The following USP9X variants were observed in gnomAD, a reference collection of about 807,000 sequenced individuals.
USP9X encodes ubiquitin specific peptidase 9 X-linked.
A neutral mutation model predicts 190.3 loss-of-function variants in USP9X; 7 were observed. The observed-to-expected ratio is 0.04, with a 90% CI of 0.02 to 0.07. USP9X has a LOEUF of 0.07. Among genes scored for constraint, USP9X ranks in the 10% least tolerant of loss-of-function variants. USP9X has a pLI of 1.00. For synonymous variants in USP9X, 645 were observed against 659.5 expected (o/e 0.98, Z 0.34); for missense variants, 1,010 against 1,916.9 (o/e 0.53, Z 8.83).
At chrX:41,197,331 T>TA in intron 28 of USP9X, 33 bp from the exon 29 acceptor site, 1 of 486,766 alleles carries the variant, frequency 2.1e-6, no homozygotes, top group Non-Finnish European at 2.9e-6. Flanking sequence ...TTTGATTTCT[T>TA]CCCCCCCCCA....
Position 41,216,372 on chromosome X carries a change from G to A in USP9X, c.5805G>A (p.Lys1935=), listed in dbSNP as rs1194752711. ...YMGEVFDHMM[K]RMSYRRQKRW... ...GAGAAGTGTTTGATCACATGATGAA[G>A]CGTATGTCATACAGGCGCCAGAAAA... The change falls in exon 35 of 45, where the codon AAG becomes AAA. Residue 1935 remains lysine (K), a synonymous_variant. Coordinates refer to ENST00000378308, the MANE Select transcript of USP9X (RefSeq NM_001039591.3). 4.1e-6 allele frequency: 5 copies of A among 1,209,607 alleles called. No homozygotes were observed. The highest frequency in any genetic ancestry group is 3.0e-5 in the East Asian group (1 of 33,766).
At chrX:41,086,959 A>G (rs755539007) in intron 1 of USP9X, among the ~76,000 whole-genome samples, 4 of 112,817 alleles carry the variant, frequency 3.5e-5, no homozygotes, top group Non-Finnish European at 5.6e-5. Flanking sequence ...GCAGGTGTGT[A>G]GATGGCTTCT....
chrX:41,208,415 G>T (rs763584127), intron 32 of USP9X, among the ~76,000 whole-genome samples: 9 of 111,557 alleles, frequency 8.1e-5, no homozygotes, highest in African/African-American at 2.9e-4. Flanking sequence ...TCAGTTACTC[G>T]CTGTGCTAGT....
chrX:41,148,276 C>CT, intron 11 of USP9X, 93 bp from the exon 12 acceptor site: 2 of 935,189 alleles, frequency 2.1e-6, no homozygotes, highest in Non-Finnish European at 3.0e-6. Context: ...AGCTACGTTG[C>CT]TTTTGATGAA....
chrX:41,116,745 A>G (rs2062150687), intron 1 of USP9X, among the ~76,000 whole-genome samples: 1 of 108,493 alleles, frequency 9.2e-6, no homozygotes, highest in South Asian at 3.9e-4. Context: ...TATTTGTGAG[A>G]CTCCTTTTAT....
intron 1 of USP9X, among the ~76,000 whole-genome samples, chrX:41,109,314 A>G (rs2062092058): frequency 1.8e-5 from 2 of 111,930 alleles, no homozygotes; most frequent in Admixed American, 9.5e-5. Context: ...AAATTACTCA[A>G]ATTGCCTACA....
Position 41,184,961 on chromosome X carries a change from A to C in USP9X, c.3558+286A>C, listed in dbSNP as rs763259607. Among the ~76,000 whole-genome samples the C allele has an allele frequency of 3.6e-5, 4 of 112,079 alleles. No homozygotes were observed. The South Asian group carries it at 1.5e-3, about 41-fold the overall frequency. ...TCTCTTATTAACTTGTGCCTGGTAG[A>C]TATATAAAGACACAGATTGTAATAA... On this transcript the variant is annotated intron_variant, in intron 23 of 44. Coordinates refer to ENST00000378308, the MANE Select transcript of USP9X (RefSeq NM_001039591.3).
chrX:41,182,032 G>T (rs1245831139), intron 21 of USP9X, among the ~76,000 whole-genome samples: 1 of 111,723 alleles, frequency 9.0e-6, no homozygotes, highest in Non-Finnish European at 1.9e-5. Context: ...CTTTGATTCA[G>T]ATCTCTCAAA....
chrX:41,099,508 C>T (rs978752707), intron 1 of USP9X, among the ~76,000 whole-genome samples: 1 of 110,218 alleles, frequency 9.1e-6, no homozygotes, highest in Non-Finnish European at 1.9e-5. Context: ...TAATTTTAGC[C>T]CTCTTGGTGG....
At chrX:41,151,169 A>T (rs1238863220) in intron 13 of USP9X, 112 bp downstream of exon 13, 3 of 738,806 alleles carry the variant, frequency 4.1e-6, no homozygotes. Flanking sequence ...GAGTGAGAAG[A>T]GGCTATATAA....
chrX:41,157,659 G>A (rs2062591217), intron 14 of USP9X, among the ~76,000 whole-genome samples: 1 of 111,442 alleles, frequency 9.0e-6, no homozygotes, highest in African/African-American at 3.3e-5. Flanking sequence ...CAAACGGGTG[G>A]GGGAAGGGAG....
chrX:41,106,102 T>C (rs746601275), intron 1 of USP9X, among the ~76,000 whole-genome samples: 2 of 112,089 alleles, frequency 1.8e-5, no homozygotes, highest in East Asian at 5.6e-4. Context: ...CTGTTTACAG[T>C]GTTCTTCGGA....
chrX:41,198,183 A>G (rs928988397), intron 29 of USP9X, among the ~76,000 whole-genome samples: 1 of 112,308 alleles, frequency 8.9e-6, no homozygotes, highest in African/African-American at 3.2e-5. Context: ...TAACACAAGG[A>G]AACAAAGTTT....
intron 1 of USP9X, among the ~76,000 whole-genome samples, chrX:41,099,123 A>T (rs376459451): frequency 0.16 from 6,605 of 41,313 alleles, 668 homozygotes; most frequent in East Asian, 0.25. Flanking sequence ...TTTTTTTTTT[A>T]AACAGAGATG....
At chrX:41,128,883 A>G (rs1280989913) in intron 2 of USP9X, 117 bp from the exon 3 acceptor site, 1 of 747,617 alleles carries the variant, frequency 1.3e-6, no homozygotes, top group Admixed American at 3.6e-5. Flanking sequence ...ACCCATGGAT[A>G]TGTAGGGCTA....
intron 33 of USP9X, among the ~76,000 whole-genome samples, chrX:41,212,191 C>CTG (rs1482538120): frequency 1.8e-5 from 2 of 109,913 alleles, no homozygotes; most frequent in African/African-American, 6.6e-5. Context: ...GAAACATGTG[C>CTG]TGTGTCCACT....
At chrX:41,148,312 A>G (rs373144032) in intron 11 of USP9X, 57 bp from the exon 12 acceptor site, 366 of 1,153,693 alleles carry the variant, frequency 3.2e-4, no homozygotes, top group Middle Eastern at 2.5e-3. Context: ...CCTGGTGACA[A>G]TTTATGAAGT....
intron 11 of USP9X, among the ~76,000 whole-genome samples, chrX:41,147,451 T>TG (rs1491175101): frequency 2.6e-5 from 1 of 38,521 alleles, no homozygotes; most frequent in Non-Finnish European, 4.0e-5. Context: ...TTAATCGTTG[T>TG]TTTTTTTTTT....
chrX:41,186,765 C>A (rs2062880266), intron 24 of USP9X, 123 bp downstream of exon 24: 1 of 791,010 alleles, frequency 1.3e-6, no homozygotes, highest in African/African-American at 2.1e-5. Flanking sequence ...AATATTAGTA[C>A]TTTCTGTTTT....
Sources: gnomAD v4.1 joint callset for allele counts (sites outside exome capture counted in the v4.1 genomes callset) on GRCh38, gnomAD v4.1.1 for gene constraint, MANE v1.5 for transcripts, NCBI Gene and HGNC (gene_info 2026-07-23, HGNC 2026-07-21) for gene names.